The following CUX1 variants were observed in gnomAD, a reference collection of about 807,000 sequenced individuals.
CUX1 encodes the protein cut like homeobox 1.
CUX1 carries 31 observed loss-of-function variants against 158.8 expected under a neutral mutation model. That is an observed-to-expected ratio of 0.20 (90% CI 0.15 to 0.26). The LOEUF (loss-of-function observed/expected upper bound fraction) is 0.26. CUX1 is among the 10% of genes least tolerant of loss of function. The pLI is 1.00. For missense variants in CUX1, 1,589 were observed against 2,014.6 expected (o/e 0.79, Z 4.04); for synonymous variants, 879 against 862.1 (o/e 1.02, Z -0.34).
chr7:102,273,230 G>A (rs1357693559), intron 14 of CUX1: 3 of 1,221,510 alleles, frequency 2.5e-6, no homozygotes, highest in Non-Finnish European at 3.4e-6. Flanking sequence ...TGGTGAGTTG[G>A]GAGGGAATAG....
intron 1 of CUX1, among the ~76,000 whole-genome samples, chr7:101,832,213 G>A (rs559262698): frequency 2.0e-5 from 3 of 152,286 alleles, no homozygotes; most frequent in Admixed American, 2.0e-4. Context: ...GGCTGTGGCC[G>A]TGCCAGACTC....
intron 1 of CUX1, among the ~76,000 whole-genome samples, chr7:101,830,605 A>C (rs1365720108): frequency 6.6e-6 from 1 of 151,518 alleles, no homozygotes; most frequent in African/African-American, 2.4e-5. Context: ...GGTGTGCCCC[A>C]CCATGCCTGG....
chr7:102,063,814 CCCA>C (rs1216484508), intron 3 of CUX1, among the ~76,000 whole-genome samples: 1 of 152,222 alleles, frequency 6.6e-6, no homozygotes, highest in African/African-American at 2.4e-5. Flanking sequence ...ATATTAAACA[CCCA>C]CTGCGTGCCC....
chr7:101,905,010 G>C (rs1281270314), intron 1 of CUX1, among the ~76,000 whole-genome samples: 1 of 152,164 alleles, frequency 6.6e-6, no homozygotes, highest in Non-Finnish European at 1.5e-5. Flanking sequence ...GCAGCTCTAT[G>C]AAGTATGTAT....
chr7:101,874,566 G>A (rs893294523), intron 1 of CUX1, among the ~76,000 whole-genome samples: 3 of 152,166 alleles, frequency 2.0e-5, no homozygotes, highest in African/African-American at 4.8e-5. Flanking sequence ...TTCTCAGGAC[G>A]TTTCTGCGAG....
At chr7:102,156,050 C>T (rs1029339036) in intron 8 of CUX1, among the ~76,000 whole-genome samples, 4 of 152,164 alleles carry the variant, frequency 2.6e-5, no homozygotes, top group Admixed American at 6.5e-5. Context: ...GAACATTGAA[C>T]CCGATCACAA....
chr7:101,899,432 A>T (rs1801905045), intron 1 of CUX1, among the ~76,000 whole-genome samples: 1 of 152,124 alleles, frequency 6.6e-6, no homozygotes, highest in Non-Finnish European at 1.5e-5. Context: ...CACTCTTGTG[A>T]TCCCAGCTAC....
At chr7:102,239,730 A>G in intron 23 of CUX1, 146 bp downstream of exon 23, 2 of 838,734 alleles carry the variant, frequency 2.4e-6, no homozygotes, top group East Asian at 2.8e-5. Context: ...TTGGTCCCTT[A>G]GGGTTTTTTT....
intron 4 of CUX1, among the ~76,000 whole-genome samples, chr7:102,087,640 C>A (rs931002390): frequency 5.3e-5 from 8 of 152,134 alleles, no homozygotes; most frequent in Admixed American, 2.0e-4. Context: ...AAATAATACA[C>A]CATTTCACAT....
chr7:102,231,980 T>C (rs1392471346), intron 21 of CUX1, among the ~76,000 whole-genome samples: 1 of 151,868 alleles, frequency 6.6e-6, no homozygotes, highest in African/African-American at 2.4e-5. Context: ...TGCAAAGTGC[T>C]GGGATTACAG....
chr7:101,816,833 C>T, upstream of CUX1: 3 of 814,422 alleles, frequency 3.7e-6, no homozygotes, highest in Non-Finnish European at 4.4e-6. Flanking sequence ...GCTCGCTACC[C>T]CCGGCCGGCC....
chr7:102,162,965 A>C (rs1178557170), intron 9 of CUX1, among the ~76,000 whole-genome samples: 1 of 152,124 alleles, frequency 6.6e-6, no homozygotes, highest in Non-Finnish European at 1.5e-5. Context: ...TCACGCACAG[A>C]GTGGACCGAA....
intron 2 of CUX1, among the ~76,000 whole-genome samples, chr7:101,999,065 G>A (rs1816345664): frequency 6.6e-6 from 1 of 152,108 alleles, no homozygotes. Flanking sequence ...CCCCAGGCAA[G>A]CAGGAGGGGA....
intron 11 of CUX1, among the ~76,000 whole-genome samples, chr7:102,189,589 AC>A (rs1324718131): frequency 3.3e-5 from 5 of 151,380 alleles, no homozygotes; most frequent in East Asian, 3.9e-4. Flanking sequence ...GTACGTTACA[AC>A]CTTACAGCAT....
intron 16 of CUX1, chr7:102,275,111 G>A (rs2132814020): frequency 1.6e-6 from 1 of 638,282 alleles, no homozygotes; most frequent in South Asian, 1.9e-5. Flanking sequence ...CCCAGCACCA[G>A]GGAGTCAGAC....
chr7:102,136,162 A>C (rs1378687223), intron 8 of CUX1, among the ~76,000 whole-genome samples: 2 of 152,150 alleles, frequency 1.3e-5, no homozygotes, highest in Admixed American at 6.6e-5. Context: ...ATATCTGACA[A>C]ATCAGGTATA....
At chr7:102,168,643 CA>C (rs1167424159) in intron 9 of CUX1, among the ~76,000 whole-genome samples, 963 of 75,626 alleles carry the variant, frequency 0.013, 8 homozygotes, top group African/African-American at 0.039. Context: ...GGCTCTGTCT[CA>C]AAAAAAAAAA....
chr7:101,825,091 C>T (rs561394531), intron 1 of CUX1, among the ~76,000 whole-genome samples: 21 of 152,298 alleles, frequency 1.4e-4, no homozygotes, highest in Admixed American at 1.0e-3. Context: ...AGTCAGCAAC[C>T]GCCCGGAGAA....
intron 2 of CUX1, among the ~76,000 whole-genome samples, chr7:101,991,397 C>T (rs771395091): frequency 1.7e-4 from 26 of 151,376 alleles, no homozygotes; most frequent in Non-Finnish European, 3.4e-4. Context: ...GACCAACTTC[C>T]GCTAGAATTC....
Sources: gnomAD v4.1 joint callset for allele counts (sites outside exome capture counted in the v4.1 genomes callset) on GRCh38, gnomAD v4.1.1 for gene constraint, MANE v1.5 for transcripts, NCBI Gene and HGNC (gene_info 2026-07-23, HGNC 2026-07-21) for gene names.